EAF2: variants seen among roughly 807,000 people sequenced by gnomAD.
EAF2 encodes ELL associated factor 2.
EAF2 carries 29 observed loss-of-function variants against 29.4 expected under a neutral mutation model. The observed-to-expected ratio is 0.99, with a 90% CI of 0.73 to 1.35. The LOEUF (loss-of-function observed/expected upper bound fraction) is 1.35, where lower values mean the gene tolerates loss of function less well. Among genes scored for constraint, EAF2 ranks in the 40% most tolerant of loss-of-function variants. EAF2 has a pLI of 0.00. For synonymous variants in EAF2, 103 were observed against 102.5 expected (o/e 1.00, Z -0.03); for missense variants, 292 against 312.0 (o/e 0.94, Z 0.48).
intron 4 of EAF2, among the ~76,000 whole-genome samples, chr3:121,860,369 G>A (rs559317662): frequency 1.3e-5 from 2 of 152,226 alleles, no homozygotes; most frequent in African/African-American, 4.8e-5. Context: ...TCTATTCAGG[G>A]ATTCAATTTC....
intron 4 of EAF2, among the ~76,000 whole-genome samples, chr3:121,864,535 G>A (rs772180362): frequency 2.0e-5 from 3 of 152,158 alleles, no homozygotes; most frequent in African/African-American, 4.8e-5. Context: ...ACATTAAATT[G>A]CTGGGTATGG....
At chr3:121,845,036 T>C (rs941598221) in intron 2 of EAF2, among the ~76,000 whole-genome samples, 2 of 151,674 alleles carry the variant, frequency 1.3e-5, no homozygotes, top group East Asian at 1.9e-4. Context: ...TAAGATTTTA[T>C]TGGGTAGACA....
chr3:121,862,843 CT>C (rs1383257968), intron 4 of EAF2, among the ~76,000 whole-genome samples: 2 of 152,144 alleles, frequency 1.3e-5, no homozygotes, highest in Non-Finnish European at 2.9e-5. Context: ...TACCTTTGGT[CT>C]TTGATAATGG....
intron 4 of EAF2, among the ~76,000 whole-genome samples, chr3:121,863,653 T>C (rs1441901161): frequency 6.6e-6 from 1 of 152,078 alleles, no homozygotes; most frequent in Admixed American, 6.5e-5. Context: ...ACTTCCCGGG[T>C]GAGGCAATGC....
At chr3:121,864,990 A>G (rs1219578303) in intron 4 of EAF2, among the ~76,000 whole-genome samples, 1 of 152,214 alleles carries the variant, frequency 6.6e-6, no homozygotes, top group Non-Finnish European at 1.5e-5. Context: ...TCTAGGGAGC[A>G]TTAAACTTTA....
chr3:121,867,890 A>G (rs185541322), intron 4 of EAF2, among the ~76,000 whole-genome samples: 2 of 152,358 alleles, frequency 1.3e-5, no homozygotes, highest in African/African-American at 2.4e-5. Context: ...TCAGGTATGT[A>G]TATTGAAAAA....
intron 4 of EAF2, among the ~76,000 whole-genome samples, chr3:121,870,196 A>T (rs1036460326): frequency 7.9e-5 from 12 of 152,198 alleles, no homozygotes; most frequent in Non-Finnish European, 1.8e-4. Context: ...ATTACCCCTA[A>T]TACCCAAACC....
chr3:121,847,508 G>A (rs554417136), intron 2 of EAF2, among the ~76,000 whole-genome samples: 2 of 152,288 alleles, frequency 1.3e-5, no homozygotes, highest in African/African-American at 4.8e-5. Context: ...ATATATATAG[G>A]CTAGGTCAAA....
chr3:121,854,127 CCAA>C (rs1708677795), intron 2 of EAF2, among the ~76,000 whole-genome samples: 1 of 151,888 alleles, frequency 6.6e-6, no homozygotes, highest in South Asian at 2.1e-4. Flanking sequence ...ACCAGCCTGA[CCAA>C]CATGGTGAAA....
chr3:121,866,896 A>C (rs1195299024), intron 4 of EAF2, among the ~76,000 whole-genome samples: 1 of 152,216 alleles, frequency 6.6e-6, no homozygotes, highest in Non-Finnish European at 1.5e-5. Context: ...AACAATTATC[A>C]CGAATATCGT....
chr3:121,843,335 A>T (rs1708466943), intron 1 of EAF2, among the ~76,000 whole-genome samples: 1 of 152,160 alleles, frequency 6.6e-6, no homozygotes. Context: ...TCTAATTATA[A>T]TTCCCTAAAT....
intron 4 of EAF2, among the ~76,000 whole-genome samples, chr3:121,857,937 G>T (rs1269120149): frequency 6.6e-6 from 1 of 152,100 alleles, no homozygotes; most frequent in East Asian, 1.9e-4. Flanking sequence ...TTCTGTCCTT[G>T]CAGTAGTTTG....
At chr3:121,865,191 T>G (rs1708902499) in intron 4 of EAF2, among the ~76,000 whole-genome samples, 1 of 152,046 alleles carries the variant, frequency 6.6e-6, no homozygotes, top group Admixed American at 6.6e-5. Flanking sequence ...GGAGGATCAT[T>G]TGAGCCCAGG....
rs146146487 is a variant in EAF2 at position 121,852,049 on chromosome 3, A to T, written c.202-2638A>T. On this transcript the variant is annotated intron_variant, in intron 2 of 5. Coordinates refer to ENST00000273668, the MANE Select transcript of EAF2 (RefSeq NM_018456.6). ...ATGGCAGGTGTAGAGATTATGAAAG[A>T]TTTGTTTCATTTGTTACTTATGACC... Among the ~76,000 whole-genome samples the T allele has an allele frequency of 4.0e-3, 607 of 152,244 alleles. 2 individuals are homozygous for T. The highest frequency in any genetic ancestry group is 0.014 in the African/African-American group (577 of 41,540).
intron 2 of EAF2, among the ~76,000 whole-genome samples, chr3:121,850,003 T>C (rs1011012677): frequency 6.7e-6 from 1 of 148,768 alleles, no homozygotes; most frequent in Non-Finnish European, 1.5e-5. Context: ...TGTCTCTTCC[T>C]TTTATTTAGC....
intron 5 of EAF2, among the ~76,000 whole-genome samples, chr3:121,885,303 T>C (rs1180025848): frequency 1.3e-5 from 2 of 152,100 alleles, no homozygotes; most frequent in East Asian, 3.8e-4. Context: ...TAGCCTCACC[T>C]CCCCCAGACT....
intron 4 of EAF2, among the ~76,000 whole-genome samples, chr3:121,859,008 T>C (rs1708776696): frequency 6.6e-6 from 1 of 152,226 alleles, no homozygotes. Context: ...CTGAAGCCTC[T>C]GTTATGTTCC....
chr3:121,854,954 C>A, intron 3 of EAF2, 131 bp downstream of exon 3: 1 of 964,228 alleles, frequency 1.0e-6, no homozygotes, highest in Non-Finnish European at 1.4e-6. Context: ...TAATCTTTTT[C>A]TAAGTTTAAA....
intron 2 of EAF2, among the ~76,000 whole-genome samples, chr3:121,849,972 T>G (rs1708599966): frequency 6.6e-6 from 1 of 150,582 alleles, no homozygotes; most frequent in Admixed American, 6.6e-5. Context: ...TTTTTTCTTT[T>G]GTGTGTTCAC....
Sources: gnomAD v4.1 joint callset for allele counts (sites outside exome capture counted in the v4.1 genomes callset) on GRCh38, gnomAD v4.1.1 for gene constraint, MANE v1.5 for transcripts, NCBI Gene and HGNC (gene_info 2026-07-23, HGNC 2026-07-21) for gene names.